The following FAM133A variants were observed in gnomAD, a reference collection of about 807,000 sequenced individuals.
The protein encoded by FAM133A is protein FAM133A.
For missense variants in FAM133A, 159 were observed against 164.4 expected (o/e 0.97, Z 0.18); for synonymous variants, 65 against 58.6 (o/e 1.11, Z -0.50).
chrX:93,679,773 G>A (rs1480075784), intron 2 of FAM133A, among the ~76,000 whole-genome samples: 4 of 93,540 alleles, frequency 4.3e-5, no homozygotes, highest in South Asian at 5.5e-4. Context: ...TTTTTGAGAC[G>A]GAGTCTCGCT....
intron 2 of FAM133A, among the ~76,000 whole-genome samples, chrX:93,680,243 A>G (rs1367166986): frequency 9.0e-6 from 1 of 110,956 alleles, no homozygotes; most frequent in Non-Finnish European, 1.9e-5. Flanking sequence ...ATTGTTCTCC[A>G]GATTTGTCTA....
At chrX:93,696,167 G>A (rs770346626) in intron 2 of FAM133A, among the ~76,000 whole-genome samples, 4 of 111,341 alleles carry the variant, frequency 3.6e-5, no homozygotes, top group Non-Finnish European at 7.5e-5. Flanking sequence ...AAACTACAAC[G>A]AGCGTTGAGG....
intron 3 of FAM133A, among the ~76,000 whole-genome samples, chrX:93,700,753 A>G (rs1926640163): frequency 1.8e-5 from 2 of 111,638 alleles, no homozygotes; most frequent in African/African-American, 3.2e-5. Context: ...TAAAACTCAT[A>G]TAAGTGTATC....
At position 93,709,553 on chromosome X, in the gene FAM133A, A is replaced by G; in HGVS notation, c.134A>G (p.Lys45Arg). 1 of 1,205,808 alleles carries G rather than the reference A, an allele frequency of 8.3e-7. No individual in the cohort carries two copies. Among genetic ancestry groups the G allele is most frequent in the Non-Finnish European group, 1.1e-6 (1 of 892,874 alleles). Residue 45 changes from lysine to arginine, a missense_variant, in exon 4 of 4, where the codon AAG becomes AGG. Transcript: ENST00000683942. ...NRPRPTWEEVKKQLENKKTGS... is the reference protein window; with the variant it reads ...NRPRPTWEEVRKQLENKKTGS... ...CCAAGACCCACCTGGGAAGAAGTAA[A>G]GAAACAATTAGAAAATAAAAAAACA...
chrX:93,674,163 G>T (rs1924505113), upstream of FAM133A: 1 of 111,090 alleles, frequency 9.0e-6, no homozygotes, highest in Non-Finnish European at 1.9e-5. Flanking sequence ...AGGAGGGAGG[G>T]ACTAGACAGC....
chrX:93,683,878 G>A (rs1379659022), intron 2 of FAM133A, among the ~76,000 whole-genome samples: 1 of 111,104 alleles, frequency 9.0e-6, no homozygotes, highest in Non-Finnish European at 1.9e-5. Flanking sequence ...GCTGTTTTGA[G>A]TTCTTTGTAT....
At position 93,697,167 on chromosome X, in the gene FAM133A, T is replaced by TTATATATATATATATATATA. The variant is rs767010042; in HGVS notation, c.-192-1225_-192-1206dup. Among the ~76,000 whole-genome samples, 178 of 93,632 alleles carry TTATATATATATATATATATA rather than the reference T, an allele frequency of 1.9e-3. 1 individual carries two copies. The highest frequency in any genetic ancestry group is 7.2e-3 in the African/African-American group (170 of 23,546). The allele number at this position is 93,632 out of a possible 115,157, so 81.3% of individuals were successfully genotyped here. A position where few individuals can be genotyped will look rare whatever the true frequency, so the allele number is the denominator to read the frequency against. On this transcript the variant is annotated intron_variant, in intron 2 of 3. Transcript: ENST00000683942. Reference sequence around the variant, plus strand: ...TGTATTTTTAATAAATATAGGCAAGTTATATATATATATATATATATATAA... The same window carrying TTATATATATATATATATATA: ...TGTATTTTTAATAAATATAGGCAAGTTATATATATATATATATATATATATATATATATATATATATATAA...
At chrX:93,700,459 C>T (rs771551479) in intron 3 of FAM133A, among the ~76,000 whole-genome samples, 1 of 111,481 alleles carries the variant, frequency 9.0e-6, no homozygotes, top group Non-Finnish European at 1.9e-5. Context: ...GTTTCAATCT[C>T]AGCTTAAGAC....
At chrX:93,699,140 G>A (rs1187792432) in intron 3 of FAM133A, among the ~76,000 whole-genome samples, 1 of 111,251 alleles carries the variant, frequency 9.0e-6, no homozygotes, top group Non-Finnish European at 1.9e-5. Context: ...TTTGGCAGAA[G>A]ATAAAGAGGA....
intron 3 of FAM133A, among the ~76,000 whole-genome samples, chrX:93,702,864 A>C (rs1602842836): frequency 1.9e-5 from 2 of 102,693 alleles, no homozygotes; most frequent in African/African-American, 3.7e-5. Context: ...AAAAAAAAAA[A>C]AAAAAACAAC....
At chrX:93,680,466 G>C (rs891771978) in intron 2 of FAM133A, among the ~76,000 whole-genome samples, 4 of 110,817 alleles carry the variant, frequency 3.6e-5, no homozygotes, top group Non-Finnish European at 7.6e-5. Context: ...CCTCAGTACT[G>C]GGATTACTAG....
chrX:93,705,665 C>T (rs969182920), intron 3 of FAM133A, among the ~76,000 whole-genome samples: 17 of 111,207 alleles, frequency 1.5e-4, no homozygotes, highest in African/African-American at 5.5e-4. Context: ...TCCTACCACC[C>T]TACAAAAAAT....
At chrX:93,697,085 T>C (rs1342246596) in intron 2 of FAM133A, among the ~76,000 whole-genome samples, 1 of 107,431 alleles carries the variant, frequency 9.3e-6, no homozygotes, top group Admixed American at 1.0e-4. Context: ...AAATGTAAAC[T>C]CATGACAAGT....
chrX:93,680,682 T>TA (rs1204090916), intron 2 of FAM133A, among the ~76,000 whole-genome samples: 1 of 111,910 alleles, frequency 8.9e-6, no homozygotes, highest in Admixed American at 9.5e-5. Context: ...AATTTGCATT[T>TA]ACCTGATGAT....
intron 3 of FAM133A, among the ~76,000 whole-genome samples, chrX:93,708,590 C>G (rs1173142566): frequency 3.6e-5 from 4 of 111,929 alleles, no homozygotes; most frequent in Non-Finnish European, 7.5e-5. Flanking sequence ...CTCTAATTCT[C>G]TAAGCCTCAG....
At chrX:93,705,552 C>G (rs1486831701) in intron 3 of FAM133A, among the ~76,000 whole-genome samples, 2 of 111,441 alleles carry the variant, frequency 1.8e-5, no homozygotes, top group Non-Finnish European at 3.8e-5. Flanking sequence ...AATTACTGGT[C>G]TCAAAACTCC....
At chrX:93,693,351 G>A (rs1926015473) in intron 2 of FAM133A, among the ~76,000 whole-genome samples, 1 of 108,704 alleles carries the variant, frequency 9.2e-6, no homozygotes, top group Non-Finnish European at 1.9e-5. Context: ...CTAAAAGCTT[G>A]AGAGAGAGAG....
chrX:93,696,305 C>T lies in FAM133A; in HGVS notation c.-192-2092C>T, dbSNP rs1926265856. Among the ~76,000 whole-genome samples the T allele has an allele frequency of 1.4e-4, 16 of 111,467 alleles. No individual in the cohort carries two copies. In the South Asian group the frequency reaches 6.1e-3, roughly 43 times the overall value. ...GAAAATAAAATCCTCTGAGGGGGCC[C>T]TCTCTGTTCAATAGCAGAAGCAAAC... is the stretch of plus-strand genomic sequence containing the variant. On this transcript the variant is annotated intron_variant, in intron 2 of 3. Coordinates refer to ENST00000683942, the MANE Select transcript of FAM133A (RefSeq NM_001171109.2).
At chrX:93,704,099 A>G (rs1926894550) in intron 3 of FAM133A, among the ~76,000 whole-genome samples, 1 of 111,683 alleles carries the variant, frequency 9.0e-6, no homozygotes, top group Admixed American at 9.6e-5. Flanking sequence ...GAAAAAAAGG[A>G]TATTATATTA....
Sources: allele counts gnomAD v4.1 joint callset (sites outside exome capture counted in the v4.1 genomes callset), GRCh38; gene constraint gnomAD v4.1.1; transcripts MANE v1.5; gene names NCBI Gene and HGNC (gene_info 2026-07-23, HGNC 2026-07-21).